Variants in BMPER observed in about 807,000 individuals in gnomAD.
BMPER encodes BMP-binding endothelial regulator protein.
Under a neutral mutation model 87.3 loss-of-function variants are expected in BMPER, and 45 were observed. The ratio of observed to expected loss-of-function variants is 0.52; its 90% CI spans 0.41 to 0.66. The LOEUF (loss-of-function observed/expected upper bound fraction) is 0.66. BMPER is among the 30% of genes least tolerant of loss of function. The pLI, the probability that BMPER is intolerant of heterozygous loss-of-function variation, is 0.00. For synonymous variants in BMPER, 326 were observed against 316.2 expected (o/e 1.03, Z -0.33); for missense variants, 784 against 867.5 (o/e 0.90, Z 1.21).
At chr7:34,080,939 G>T (rs913369248) in intron 12 of BMPER, among the ~76,000 whole-genome samples, 1 of 152,068 alleles carries the variant, frequency 6.6e-6, no homozygotes, top group African/African-American at 2.4e-5. Context: ...GATCATAAAT[G>T]CCATAATTAG....
chr7:33,947,498 A>G (rs1236004233), intron 3 of BMPER, among the ~76,000 whole-genome samples: 2 of 152,164 alleles, frequency 1.3e-5, no homozygotes, highest in Non-Finnish European at 2.9e-5. Flanking sequence ...TCTATGGGTT[A>G]TGATCCCATG....
In BMPER at chr7:34,078,978, C is replaced by G. The variant is rs1287076594; in HGVS notation, c.1200C>G (p.Pro400=). The change falls in exon 12 of 15, where the codon CCC becomes CCG. Residue 400 remains proline (P), a synonymous_variant. Transcript: ENST00000649409. ...AAGACTGCTCCTCCCCTGCCTCGCCCTTCCAGGTGCTGGTGAAGAACGACG... is the reference window on the plus strand; with the variant it reads ...AAGACTGCTCCTCCCCTGCCTCGCCGTTCCAGGTGCTGGTGAAGAACGACG... ...LTKDCSSPAS[P]FQVLVKNDAR... is the part of the protein sequence containing the mutation. The G allele has an allele frequency of 2.5e-6, 4 of 1,614,272 alleles. No individual in the cohort carries two copies. The highest frequency in any genetic ancestry group is 3.4e-6 in the Non-Finnish European group (4 of 1,180,050).
intron 6 of BMPER, among the ~76,000 whole-genome samples, chr7:33,999,254 A>G (rs1294414647): frequency 1.3e-5 from 2 of 152,228 alleles, no homozygotes; most frequent in Non-Finnish European, 2.9e-5. Context: ...CTTTGTCTGC[A>G]GAGGATGTGC....
rs35451161 is a variant in BMPER, at chr7:33,928,639, C to CAAAAAAA, written c.220-8635_220-8629dup. Among the ~76,000 whole-genome samples, 9 of 49,086 alleles carry CAAAAAAA rather than the reference C, an allele frequency of 1.8e-4. 1 individual carries two copies. The highest frequency in any genetic ancestry group is 3.2e-4 in the Non-Finnish European group (9 of 28,456). 32.2% of individuals were successfully genotyped at this position (49,086 alleles called of 152,430 possible). A position where few individuals can be genotyped will look rare whatever the true frequency, so the allele number is the denominator to read the frequency against. The stretch of plus-strand genomic sequence containing the variant: ...TGTTCCGTGAGTTTCTTGAAAAAGC[C>CAAAAAAA]AAAAAAAAAAAAAAAAAAAAAGCCA... On this transcript the variant is annotated intron_variant, in intron 2 of 14. Transcript: ENST00000649409.
chr7:33,994,898 T>C (rs556500766), intron 6 of BMPER, among the ~76,000 whole-genome samples: 3 of 152,292 alleles, frequency 2.0e-5, no homozygotes, highest in South Asian at 4.1e-4. Context: ...TCTACAATTC[T>C]ATAATATCTC....
chr7:34,140,833 C>T (rs938514444), intron 13 of BMPER, among the ~76,000 whole-genome samples: 1 of 152,194 alleles, frequency 6.6e-6, no homozygotes, highest in Non-Finnish European at 1.5e-5. Flanking sequence ...TCACTCAAAT[C>T]CGGGGACACA....
Position 34,055,211 on chromosome 7 carries a change from G to A in BMPER, c.835G>A (p.Asp279Asn). 1 of 1,614,134 alleles carries A rather than the reference G, an allele frequency of 6.2e-7. No individual in the cohort carries two copies. The highest frequency in any genetic ancestry group is 8.5e-7 in the Non-Finnish European group (1 of 1,180,026). ...GAAGTGCTCCCACCCTGGTGGCTGT[G>A]ACCAAGGCCAGGAGGGCTGTTGTGA... is the stretch of plus-strand genomic sequence containing the variant. ...KRKCSHPGGC[D>N]QGQEGCCEEC... The change falls in exon 9 of 15, where the codon GAC becomes AAC. Residue 279 changes from aspartate to asparagine, a missense_variant. Asp to Asn is a conservative substitution (Grantham distance 23, BLOSUM62 1). Coordinates refer to ENST00000649409, the MANE Select transcript of BMPER (RefSeq NM_001365308.1).
At chr7:34,110,144 G>A (rs1028658610) in intron 13 of BMPER, among the ~76,000 whole-genome samples, 12 of 152,144 alleles carry the variant, frequency 7.9e-5, no homozygotes, top group African/African-American at 1.9e-4. Context: ...TTTGCTGGGC[G>A]TGTATCCATT....
At chr7:33,935,428 A>G (rs1784579038) in intron 2 of BMPER, among the ~76,000 whole-genome samples, 1 of 152,084 alleles carries the variant, frequency 6.6e-6, no homozygotes, top group African/African-American at 2.4e-5. Flanking sequence ...TCTGAGCTTC[A>G]GGGGGTGGGA....
chr7:33,916,432 C>G (rs1784087943), intron 2 of BMPER, among the ~76,000 whole-genome samples: 1 of 152,210 alleles, frequency 6.6e-6, no homozygotes, highest in Non-Finnish European at 1.5e-5. Context: ...CCTGAAGCTT[C>G]TGAGTCGTCT....
At chr7:33,962,454 A>G (rs2128616740) in intron 3 of BMPER, among the ~76,000 whole-genome samples, 2 of 152,310 alleles carry the variant, frequency 1.3e-5, no homozygotes, top group South Asian at 2.1e-4. Flanking sequence ...GCCTTGGCGC[A>G]ATGAAAATGT....
chr7:34,037,757 A>G (rs187184720), intron 6 of BMPER, among the ~76,000 whole-genome samples: 250 of 152,358 alleles, frequency 1.6e-3, no homozygotes, highest in African/African-American at 5.7e-3. Flanking sequence ...TAATTTGCCT[A>G]TGACAAAAGG....
In BMPER at chr7:34,048,131, T is replaced by G. The variant is rs189172891; in HGVS notation, c.676+1726T>G. On this transcript the variant is annotated intron_variant, in intron 7 of 14. Transcript: ENST00000649409. Reference sequence around the variant, plus strand: ...AATCCTCTCTCCTTTCTTTCAGAGTTTACTGTCTTCAACTCTGAAACAACC... The same window carrying G: ...AATCCTCTCTCCTTTCTTTCAGAGTGTACTGTCTTCAACTCTGAAACAACC... 9.4e-4 allele frequency among the ~76,000 whole-genome samples: 143 copies of G among 152,214 alleles called. 2 individuals carry two copies. The East Asian group carries it at 0.026, about 27-fold the overall frequency.
chr7:34,095,175 A>G (rs889367826), intron 13 of BMPER, among the ~76,000 whole-genome samples: 1 of 152,196 alleles, frequency 6.6e-6, no homozygotes, highest in African/African-American at 2.4e-5. Context: ...ACAACTCTGA[A>G]CTTGAGAAAT....
intron 6 of BMPER, among the ~76,000 whole-genome samples, chr7:34,044,369 T>A (rs1245018719): frequency 6.6e-6 from 1 of 152,220 alleles, no homozygotes; most frequent in Non-Finnish European, 1.5e-5. Flanking sequence ...ACAGAGAATA[T>A]GAATGAAAAG....
At chr7:34,102,214 T>A (rs1789699112) in intron 13 of BMPER, among the ~76,000 whole-genome samples, 1 of 152,132 alleles carries the variant, frequency 6.6e-6, no homozygotes, top group Non-Finnish European at 1.5e-5. Context: ...CTCCTCCCAG[T>A]TCCTCATGGT....
chr7:34,063,214 T>C (rs1343625811), intron 11 of BMPER, among the ~76,000 whole-genome samples: 1 of 152,236 alleles, frequency 6.6e-6, no homozygotes, highest in Non-Finnish European at 1.5e-5. Flanking sequence ...GAGCCAGTTA[T>C]GTTTAGAGAA....
At chr7:33,929,803 A>T (rs538434389) in intron 2 of BMPER, among the ~76,000 whole-genome samples, 1 of 152,348 alleles carries the variant, frequency 6.6e-6, no homozygotes, top group South Asian at 2.1e-4. Context: ...ATGACAAAAT[A>T]CACAAAACAT....
At chr7:34,121,959 A>AT (rs11444838) in intron 13 of BMPER, among the ~76,000 whole-genome samples, 108,745 of 148,694 alleles carry the variant, frequency 0.73, 40,137 homozygotes, top group East Asian at 0.94. Flanking sequence ...CATCTCTACA[A>AT]TTTTTTTTTT....
Sources: allele counts gnomAD v4.1 joint callset (sites outside exome capture counted in the v4.1 genomes callset), GRCh38; gene constraint gnomAD v4.1.1; transcripts MANE v1.5; gene names NCBI Gene and HGNC (gene_info 2026-07-23, HGNC 2026-07-21).